YWHAQ: variants seen among roughly 807,000 people sequenced by gnomAD.
The protein encoded by YWHAQ is 14-3-3 protein theta.
Under a neutral mutation model 28.3 loss-of-function variants are expected in YWHAQ, and 6 were observed. The ratio of observed to expected loss-of-function variants is 0.21; its 90% CI spans 0.12 to 0.42. The LOEUF (loss-of-function observed/expected upper bound fraction) is 0.42. YWHAQ is among the 10% of genes least tolerant of loss of function. The pLI is 1.00. For synonymous variants in YWHAQ, 143 were observed against 119.1 expected (o/e 1.20, Z -1.31); for missense variants, 201 against 305.6 (o/e 0.66, Z 2.55).
chr2:9,604,249 C>T (rs146967999), intron 2 of YWHAQ, among the ~76,000 whole-genome samples: 26 of 151,908 alleles, frequency 1.7e-4, no homozygotes, highest in Admixed American at 2.6e-4. Context: ...ACAGAAAATA[C>T]GGGGGGAAAA....
At position 9,602,862 on chromosome 2, in the gene YWHAQ, A is replaced by AATAT. The variant is rs71413909; in HGVS notation, c.295-11351_295-11348dup. 9.2e-3 allele frequency among the ~76,000 whole-genome samples: 189 copies of AATAT among 20,648 alleles called. 1 individual carries two copies. Among genetic ancestry groups the AATAT allele is most frequent in the Middle Eastern group, 0.033 (1 of 30 alleles). The allele number at this position is 20,648 out of a possible 152,430, so 13.5% of individuals were successfully genotyped here. A position where few individuals can be genotyped will look rare whatever the true frequency, so the allele number is the denominator to read the frequency against. On this transcript the variant is annotated intron_variant, in intron 2 of 5. Transcript: ENST00000238081. ...AAAAAAAAAAAAAAAAAAAAAAAAA[A>AATAT]ATATATATATATATATATATATATA...
chr2:9,616,034 T>C (rs1219709609), intron 2 of YWHAQ, among the ~76,000 whole-genome samples: 2 of 152,132 alleles, frequency 1.3e-5, no homozygotes, highest in Admixed American at 6.5e-5. Context: ...TTTCGTAGGA[T>C]GGGTGTGATT....
At chr2:9,585,735 C>A (rs146402221) in intron 5 of YWHAQ, among the ~76,000 whole-genome samples, 1 of 151,964 alleles carries the variant, frequency 6.6e-6, no homozygotes, top group Non-Finnish European at 1.5e-5. Context: ...CAAGATCCCA[C>A]GTCTACAAAA....
At chr2:9,599,650 A>G (rs1208495023) in intron 2 of YWHAQ, among the ~76,000 whole-genome samples, 1 of 152,250 alleles carries the variant, frequency 6.6e-6, no homozygotes, top group Non-Finnish European at 1.5e-5. Flanking sequence ...GAATATTTTA[A>G]GTCCATTGTT....
At chr2:9,605,140 CTT>C (rs35332379) in intron 2 of YWHAQ, among the ~76,000 whole-genome samples, 26 of 138,350 alleles carry the variant, frequency 1.9e-4, no homozygotes, top group Admixed American at 2.2e-4. Context: ...TCTGTTCTCT[CTT>C]TTTTTTTTTT....
intron 2 of YWHAQ, among the ~76,000 whole-genome samples, chr2:9,593,236 CTTTTTTTTT>C (rs34085406): frequency 4.3e-5 from 5 of 114,962 alleles, no homozygotes; most frequent in African/African-American, 1.3e-4. Context: ...GCATCCATGT[CTTTTTTTTT>C]TTTTTTTTTT....
intron 2 of YWHAQ, among the ~76,000 whole-genome samples, chr2:9,602,876 T>A (rs1572994439): frequency 7.7e-5 from 3 of 38,848 alleles, no homozygotes; most frequent in Non-Finnish European, 1.5e-4. Context: ...TATATATATA[T>A]ATATATATAT....
intron 2 of YWHAQ, among the ~76,000 whole-genome samples, chr2:9,599,962 C>T (rs563730218): frequency 6.6e-6 from 1 of 152,070 alleles, no homozygotes; most frequent in South Asian, 2.1e-4. Context: ...TTCTAGATGC[C>T]ATTAAGAAGA....
At chr2:9,628,999 CAA>C (rs1315548099) in intron 2 of YWHAQ, 1 of 104,230 alleles carries the variant, frequency 9.6e-6, no homozygotes, top group Non-Finnish European at 1.9e-5. Context: ...TTTTTTTAAA[CAA>C]GGGGTGGGGA....
At chr2:9,605,140 C>CTTTTTTTTTTTTTTTT (rs35332379) in intron 2 of YWHAQ, among the ~76,000 whole-genome samples, 3 of 138,424 alleles carry the variant, frequency 2.2e-5, no homozygotes, top group African/African-American at 5.4e-5. Flanking sequence ...TCTGTTCTCT[C>CTTTTTTTTTTTTTTTT]TTTTTTTTTT....
chr2:9,626,566 C>T (rs1372357847), intron 2 of YWHAQ, among the ~76,000 whole-genome samples: 3 of 152,204 alleles, frequency 2.0e-5, no homozygotes, highest in Non-Finnish European at 4.4e-5. Flanking sequence ...GTAGCTGGAA[C>T]TACAGGCATG....
In YWHAQ at chr2:9,630,096, C is replaced by G; in HGVS notation, c.294+63G>C. 1 of 1,556,542 alleles carries G rather than the reference C, an allele frequency of 6.4e-7. No homozygotes were observed. The highest frequency in any genetic ancestry group is 8.7e-7 in the Non-Finnish European group (1 of 1,147,938). ...CGGCTCACGTTTGTTTCCGTGCCCG[C>G]GAAACTCTCAATGAAAAGCATCTCA... On this transcript the variant is annotated intron_variant, in intron 2 of 5. Transcript: ENST00000238081. This position sits in a 1 kb window ranked among gnomAD's most constrained non-coding sequence, Gnocchi z 5.6.
chr2:9,590,895 A>G (rs1359231180), intron 3 of YWHAQ, among the ~76,000 whole-genome samples: 1 of 152,236 alleles, frequency 6.6e-6, no homozygotes, highest in Non-Finnish European at 1.5e-5. Flanking sequence ...ACCTCTCCTC[A>G]GAAATCTGAT....
chr2:9,617,737 G>C (rs564845962), intron 2 of YWHAQ, among the ~76,000 whole-genome samples: 7 of 152,080 alleles, frequency 4.6e-5, no homozygotes, highest in African/African-American at 9.7e-5. Context: ...AGGAGTTTGA[G>C]ACCAGCGTGG....
intron 2 of YWHAQ, among the ~76,000 whole-genome samples, chr2:9,605,485 C>T (rs1666805393): frequency 6.6e-6 from 1 of 152,080 alleles, no homozygotes; most frequent in African/African-American, 2.4e-5. Flanking sequence ...TAAAAAAATC[C>T]TCACTTGATA....
chr2:9,587,527 C>A lies in YWHAQ; in HGVS notation c.583-18G>T, dbSNP rs370706530. The A allele has an allele frequency of 1.9e-5, 30 of 1,571,564 alleles. No individual in the cohort carries two copies. Among genetic ancestry groups the A allele is most frequent in the African/African-American group, 1.6e-4 (12 of 73,320 alleles). On this transcript the variant is annotated intron_variant, in intron 4 of 5. Transcript: ENST00000238081. ...TCAAAAGCCTGATAAATATTAATAT[C>A]CATGGTAAAATATGTGCATTGACGA...
intron 2 of YWHAQ, among the ~76,000 whole-genome samples, chr2:9,602,862 A>AAAAAATAT (rs1666739720): frequency 4.8e-5 from 1 of 20,870 alleles, no homozygotes; most frequent in South Asian, 2.4e-3. Flanking sequence ...AAAAAAAAAA[A>AAAAAATAT]ATATATATAT....
At chr2:9,602,840 A>T (rs1666723999) in intron 2 of YWHAQ, among the ~76,000 whole-genome samples, 3 of 24,584 alleles carry the variant, frequency 1.2e-4, no homozygotes, top group African/African-American at 3.2e-4. Flanking sequence ...AAAAAAAAAA[A>T]AAAAAAAAAA....
At chr2:9,626,585 C>A (rs560081544) in intron 2 of YWHAQ, among the ~76,000 whole-genome samples, 1 of 152,338 alleles carries the variant, frequency 6.6e-6, no homozygotes, top group East Asian at 1.9e-4. Flanking sequence ...TGTGCCACCA[C>A]GCCTGGCTAA....
Sources: allele counts gnomAD v4.1 joint callset (sites outside exome capture counted in the v4.1 genomes callset), GRCh38; gene constraint gnomAD v4.1.1; non-coding constraint Gnocchi (gnomAD v3.1); transcripts MANE v1.5; gene names NCBI Gene and HGNC (gene_info 2026-07-23, HGNC 2026-07-21).